The following PUM2 variants were observed in gnomAD, a reference collection of about 807,000 sequenced individuals.
The protein encoded by PUM2 is pumilio RNA binding family member 2, also known as pumilio homolog 2.
In PUM2, 57 loss-of-function variants were observed where a neutral mutation model predicts 124.5. The observed-to-expected ratio is 0.46, with a 90% CI of 0.37 to 0.57. The LOEUF is 0.57. Among genes scored for constraint, PUM2 ranks in the 20% least tolerant of loss-of-function variants. The pLI is 0.00. For synonymous variants in PUM2, 460 were observed against 446.1 expected (o/e 1.03, Z -0.39); for missense variants, 1,065 against 1,290.6 (o/e 0.83, Z 2.68).
In PUM2 at chr2:20,249,553, T is replaced by G. The variant is rs1662804914; in HGVS notation, c.*2032A>C. The G allele has an allele frequency of 6.6e-6, 1 of 152,660 alleles. No individual in the cohort carries two copies. The highest frequency in any genetic ancestry group is 1.5e-5 in the Non-Finnish European group (1 of 68,032). The allele number at this position is 152,660 out of a possible 1,614,324, so 9.5% of individuals were successfully genotyped here. ...ACTCAACACCAAACATGAAAAAGTA[T>G]GCCTGGCATCCCCAAACTTTATGCC... On this transcript the variant is annotated 3_prime_UTR_variant, in exon 21 of 21. Transcript: ENST00000361078.
intron 10 of PUM2, among the ~76,000 whole-genome samples, chr2:20,286,955 G>C (rs1463016827): frequency 6.6e-6 from 1 of 151,758 alleles, no homozygotes; most frequent in Non-Finnish European, 1.5e-5. Context: ...GAGAAAGTCT[G>C]TGACTGGTTA....
chr2:20,299,816 T>C (rs903907570), intron 7 of PUM2, among the ~76,000 whole-genome samples: 2 of 152,228 alleles, frequency 1.3e-5, no homozygotes, highest in African/African-American at 4.8e-5. Context: ...CTTTTATCTA[T>C]GAAAAGCGTC....
At chr2:20,290,630 C>A (rs756731923) in intron 10 of PUM2, 22 bp downstream of exon 10, 2 of 1,586,120 alleles carry the variant, frequency 1.3e-6, no homozygotes, top group Non-Finnish European at 1.7e-6. Context: ...ATTCAAATTT[C>A]CACAAATGAC....
At chr2:20,285,934 A>G (rs1672612635) in intron 10 of PUM2, among the ~76,000 whole-genome samples, 1 of 152,184 alleles carries the variant, frequency 6.6e-6, no homozygotes, top group Non-Finnish European at 1.5e-5. Flanking sequence ...GGAAAAATCT[A>G]AAGAAACTGG....
chr2:20,303,352 C>T (rs1162994800), intron 7 of PUM2, among the ~76,000 whole-genome samples: 3 of 151,788 alleles, frequency 2.0e-5, no homozygotes, highest in South Asian at 4.2e-4. Flanking sequence ...CTGCAATTAG[C>T]CATAGGCCAC....
Position 20,283,496 on chromosome 2 carries a change from A to T in PUM2, c.1292-10T>A, listed in dbSNP as rs775315434. On this transcript the variant is annotated splice_polypyrimidine_tract_variant and intron_variant, in intron 10 of 20. Coordinates refer to ENST00000361078, the MANE Select transcript of PUM2 (RefSeq NM_015317.5). ...GCTAGTACTTGATAGCCTAAATAAA[A>T]TAAAGGTTTACTAATGAAAGCACTT... The T allele has an allele frequency of 6.3e-7, 1 of 1,594,024 alleles. No individual in the cohort carries two copies. Among genetic ancestry groups the T allele is most frequent in the South Asian group, 1.1e-5 (1 of 88,768 alleles).
intron 9 of PUM2, among the ~76,000 whole-genome samples, chr2:20,293,191 T>C (rs4666379): frequency 0.83 from 126,696 of 152,204 alleles, 53,142 homozygotes; most frequent in East Asian, 0.94. Flanking sequence ...CAATCATACA[T>C]AAGCATGATA....
chr2:20,280,249 A>T (rs1389889790), intron 12 of PUM2, among the ~76,000 whole-genome samples: 1 of 152,144 alleles, frequency 6.6e-6, no homozygotes, highest in Non-Finnish European at 1.5e-5. Context: ...TCAACCTTTT[A>T]TACCAGCCAA....
At chr2:20,346,283 G>A (rs1487025872) in intron 1 of PUM2, among the ~76,000 whole-genome samples, 1 of 152,138 alleles carries the variant, frequency 6.6e-6, no homozygotes, top group Non-Finnish European at 1.5e-5. Flanking sequence ...TAAAACTACC[G>A]ATAAGCTACT....
intron 13 of PUM2, among the ~76,000 whole-genome samples, chr2:20,269,167 G>A (rs1668433095): frequency 6.6e-6 from 1 of 151,906 alleles, no homozygotes; most frequent in African/African-American, 2.4e-5. Context: ...GAAGCTACAT[G>A]AGGTATAAAC....
intron 9 of PUM2, among the ~76,000 whole-genome samples, chr2:20,293,817 T>C (rs577806375): frequency 1.8e-4 from 28 of 152,258 alleles, no homozygotes; most frequent in Admixed American, 7.8e-4. Flanking sequence ...ATACAATGAA[T>C]GTGACAGTCA....
Position 20,297,610 on chromosome 2 carries a change from G to T in PUM2, c.952C>A (p.Pro318Thr). 1 of 1,613,176 alleles carries T rather than the reference G, an allele frequency of 6.2e-7. No individual in the cohort carries two copies. Among genetic ancestry groups the T allele is most frequent in the Non-Finnish European group, 8.5e-7 (1 of 1,179,110 alleles). The change falls in exon 8 of 21, where the codon CCT (proline) becomes ACT (threonine). Residue 318 changes from proline (P) to threonine (T), a missense_variant. By Grantham distance (38) the Pro-to-Thr change is conservative. Transcript: ENST00000361078. ...VPNPYIISAA[P>T]PGTDPYTAAG... is the part of the protein sequence containing the mutation. ...GCAGTATACGGATCGGTCCCTGGAG[G>T]AGCAGCACTAATAATGTATGGATTT...
At chr2:20,312,114 G>T in intron 4 of PUM2, 122 bp downstream of exon 4, 1 of 884,884 alleles carries the variant, frequency 1.1e-6, no homozygotes, top group Non-Finnish European at 1.7e-6. Context: ...AGCAATAATA[G>T]TTACAAAATT....
rs1340549848 is a variant in PUM2, at chr2:20,326,413, A to G, written c.51+897T>C. 2.3e-6 allele frequency: 3 copies of G among 1,304,188 alleles called. No homozygotes were observed. The South Asian group carries it at 3.7e-5, about 16-fold the overall frequency. 80.8% of individuals were successfully genotyped at this position (1,304,188 alleles called of 1,614,324 possible). Reference sequence around the variant, plus strand: ...GAAGAGCACAGCATTGGATGGAGTGAGTCTCATGAAGGTCTCTATTCTACC... The same window carrying G: ...GAAGAGCACAGCATTGGATGGAGTGGGTCTCATGAAGGTCTCTATTCTACC... On this transcript the variant is annotated intron_variant, in intron 2 of 20. Transcript: ENST00000361078.
intron 10 of PUM2, among the ~76,000 whole-genome samples, chr2:20,287,131 C>T (rs563489882): frequency 6.6e-6 from 1 of 152,306 alleles, no homozygotes; most frequent in African/African-American, 2.4e-5. Flanking sequence ...TCTAAAATGC[C>T]ATTTACTTTA....
In PUM2 at chr2:20,255,196, AATT is replaced by A. The variant is rs758452488; in HGVS notation, c.2748+17_2748+19del. 13 of 1,567,114 alleles carry A rather than the reference AATT, an allele frequency of 8.3e-6. No homozygotes were observed. Among genetic ancestry groups the A allele is most frequent in the South Asian group, 4.7e-5 (4 of 85,658 alleles). Reference sequence around the variant, plus strand: ...TTTCCAAAAATATATAAACATTTCAAATTATTAGGGAATTTATACCTGTACCAA... The same window carrying A: ...TTTCCAAAAATATATAAACATTTCAAATTAGGGAATTTATACCTGTACCAA... On this transcript the variant is annotated intron_variant, in intron 18 of 20. Coordinates refer to ENST00000361078, the MANE Select transcript of PUM2 (RefSeq NM_015317.5).
chr2:20,294,034 G>T lies in PUM2; in HGVS notation c.1152+342C>A, dbSNP rs1031020654. ...CAGAAACACATTAACATTTAAAATTGTAATTTAAATACCTGGAAAAATATG... is the reference window on the plus strand; with the variant it reads ...CAGAAACACATTAACATTTAAAATTTTAATTTAAATACCTGGAAAAATATG... On this transcript the variant is annotated intron_variant, in intron 9 of 20. Transcript: ENST00000361078. Among the ~76,000 whole-genome samples, 10 of 152,126 alleles carry T rather than the reference G, an allele frequency of 6.6e-5. No homozygotes were observed. The East Asian group carries it at 1.7e-3, about 26-fold the overall frequency.
At chr2:20,284,429 C>T (rs929198331) in intron 10 of PUM2, among the ~76,000 whole-genome samples, 4 of 152,136 alleles carry the variant, frequency 2.6e-5, no homozygotes, top group African/African-American at 9.7e-5. Flanking sequence ...AATCATAGCT[C>T]ACTGCTGCCT....
intron 8 of PUM2, 32 bp from the exon 9 acceptor site, chr2:20,294,550 G>A (rs1377318086): frequency 6.4e-7 from 1 of 1,560,968 alleles, no homozygotes; most frequent in East Asian, 2.3e-5. Flanking sequence ...CGAATAAAAA[G>A]TTACTAGATT....
Sources: gnomAD v4.1 joint callset for allele counts (sites outside exome capture counted in the v4.1 genomes callset) on GRCh38, gnomAD v4.1.1 for gene constraint, MANE v1.5 for transcripts, NCBI Gene and HGNC (gene_info 2026-07-23, HGNC 2026-07-21) for gene names.